NEDD9: variants seen among roughly 807,000 people sequenced by gnomAD.
The protein encoded by NEDD9 is neural precursor cell expressed, developmentally down-regulated 9.
Under a neutral mutation model 76.6 loss-of-function variants are expected in NEDD9, and 26 were observed. The observed-to-expected ratio is 0.34, with a 90% CI of 0.25 to 0.47. NEDD9 has a LOEUF of 0.47. Among genes scored for constraint, NEDD9 ranks in the 20% least tolerant of loss-of-function variants. The pLI, the probability that NEDD9 is intolerant of heterozygous loss-of-function variation, is 1.00. For synonymous variants in NEDD9, 392 were observed against 414.2 expected, an observed-to-expected ratio of 0.95 and a Z score of 0.65; for missense variants, 937 against 1,058.5, an observed-to-expected ratio of 0.89 and a Z score of 1.59.
In NEDD9 at chr6:11,240,796, G is replaced by GT. The variant is rs1387790470; in HGVS notation, c.13-27070dup. On this transcript the variant is annotated intron_variant, in intron 3 of 3. Transcript: ENST00000397378. Reference sequence around the variant, plus strand: ...AAGACTTGGATGAATTAACTTAAAGGTGAAGTGATAAGAAAAATTAGAAAT... The same window carrying GT: ...AAGACTTGGATGAATTAACTTAAAGGTTGAAGTGATAAGAAAAATTAGAAAT... 4.6e-5 allele frequency among the ~76,000 whole-genome samples: 7 copies of GT among 152,294 alleles called. No homozygotes were observed. The South Asian group carries it at 1.2e-3, about 27-fold the overall frequency.
chr6:11,268,730 C>CAA (rs754629340), intron 3 of NEDD9, among the ~76,000 whole-genome samples: 9,847 of 148,406 alleles, frequency 0.066, 391 homozygotes, highest in Middle Eastern at 0.18. Flanking sequence ...CTCCATCACA[C>CAA]ACACACACAC....
intron 2 of NEDD9, among the ~76,000 whole-genome samples, chr6:11,311,845 C>T (rs1045936402): frequency 2.6e-5 from 4 of 152,180 alleles, no homozygotes; most frequent in African/African-American, 4.8e-5. Context: ...CCTCACCAAC[C>T]GGGCTCTTCC....
intron 3 of NEDD9, among the ~76,000 whole-genome samples, chr6:11,290,084 T>G (rs977625688): frequency 6.6e-6 from 1 of 152,190 alleles, no homozygotes; most frequent in Non-Finnish European, 1.5e-5. Flanking sequence ...AGGAGTTCTT[T>G]CCACTCGTAT....
chr6:11,321,489 T>C (rs1761802521), intron 2 of NEDD9, among the ~76,000 whole-genome samples: 2 of 152,212 alleles, frequency 1.3e-5, no homozygotes, highest in Non-Finnish European at 2.9e-5. Flanking sequence ...GAGCTTTGTT[T>C]CGTGTTTATC....
intron 3 of NEDD9, among the ~76,000 whole-genome samples, chr6:11,267,562 A>G (rs1390790932): frequency 6.6e-6 from 1 of 152,214 alleles, no homozygotes; most frequent in African/African-American, 2.4e-5. Context: ...GCTGTTGGAG[A>G]CATTGGTTTT....
chr6:11,263,453 T>C (rs775320120), intron 3 of NEDD9, among the ~76,000 whole-genome samples: 8 of 152,184 alleles, frequency 5.3e-5, no homozygotes, highest in Non-Finnish European at 1.0e-4. Flanking sequence ...GATTAGAAAG[T>C]AGTGGAAAAA....
At chr6:11,196,411 A>C (rs1461786397) in intron 2 of NEDD9, among the ~76,000 whole-genome samples, 3 of 152,220 alleles carry the variant, frequency 2.0e-5, no homozygotes, top group Non-Finnish European at 4.4e-5. Context: ...ATAAACACAT[A>C]GCACGACCTC....
chr6:11,270,098 C>T (rs1760272775), intron 3 of NEDD9, among the ~76,000 whole-genome samples: 1 of 152,208 alleles, frequency 6.6e-6, no homozygotes, highest in South Asian at 2.1e-4. Context: ...CACTGCACTC[C>T]AGTCTGGGCA....
At chr6:11,361,775 G>A (rs1358086072) in intron 1 of NEDD9, among the ~76,000 whole-genome samples, 2 of 152,076 alleles carry the variant, frequency 1.3e-5, no homozygotes, top group South Asian at 2.1e-4. Flanking sequence ...ATCTAATTGC[G>A]ACCCTAAAGA....
chr6:11,343,952 C>T (rs79074956), intron 1 of NEDD9, among the ~76,000 whole-genome samples: 39 of 152,166 alleles, frequency 2.6e-4, no homozygotes, highest in African/African-American at 9.4e-4. Context: ...ATAAAGGTAA[C>T]CAGATATCTG....
At chr6:11,379,210 T>A (rs1251171647) in intron 1 of NEDD9, among the ~76,000 whole-genome samples, 1 of 152,214 alleles carries the variant, frequency 6.6e-6, no homozygotes, top group East Asian at 1.9e-4. Flanking sequence ...TTTCCTAGTC[T>A]TCTCTTAATC....
At chr6:11,232,347 G>C (rs1052058271) in intron 1 of NEDD9, among the ~76,000 whole-genome samples, 157 bp downstream of exon 1, 6 of 146,010 alleles carry the variant, frequency 4.1e-5, no homozygotes, top group African/African-American at 1.5e-4. Context: ...GTCTCTGCTT[G>C]CTTGTCTGCT....
rs971824770 is a variant in NEDD9 at position 11,370,697 on chromosome 6, G to A, written c.-214+11442C>T. Among the ~76,000 whole-genome samples the A allele has an allele frequency of 2.6e-5, 4 of 152,152 alleles. No homozygotes were observed. The highest frequency in any genetic ancestry group is 5.9e-5 in the Non-Finnish European group (4 of 68,020). On this transcript the variant is annotated intron_variant, in intron 1 of 3. Coordinates refer to the NEDD9 transcript ENST00000397378. This position sits in a 1 kb window ranked among gnomAD's most constrained non-coding sequence, Gnocchi z 4.2. ...CGCTCACTGGATGATCCACTCACTG[G>A]CTCACTCACTCGTTCCTTCAGCAGA...
At chr6:11,235,414 T>C (rs1759577905), upstream of NEDD9, among the ~76,000 whole-genome samples, 2 of 152,198 alleles carry the variant, frequency 1.3e-5, no homozygotes, top group African/African-American at 2.4e-5. This position sits in a 1 kb window ranked among gnomAD's most constrained non-coding sequence, Gnocchi z 4.1. Context: ...GCACCTAGCA[T>C]GTGCCAGGTA....
intron 3 of NEDD9, chr6:11,305,162 G>A (rs1206043593): frequency 7.8e-7 from 1 of 1,287,242 alleles, no homozygotes; most frequent in Non-Finnish European, 1.0e-6. Flanking sequence ...TTGATTCTCT[G>A]AGATACAGAA....
intron 4 of NEDD9, among the ~76,000 whole-genome samples, chr6:11,191,753 T>G (rs1234703220): frequency 6.6e-6 from 1 of 152,180 alleles, no homozygotes; most frequent in Non-Finnish European, 1.5e-5. Flanking sequence ...CAGCCTGTAA[T>G]CTCAGCACTT....
chr6:11,360,752 T>A (rs991782363), intron 1 of NEDD9, among the ~76,000 whole-genome samples: 46 of 152,338 alleles, frequency 3.0e-4, no homozygotes, highest in African/African-American at 1.1e-3. Flanking sequence ...ACCTCTTTTC[T>A]TTATAAATTA....
chr6:11,197,769 G>A (rs1758326608), intron 2 of NEDD9, among the ~76,000 whole-genome samples: 2 of 152,178 alleles, frequency 1.3e-5, no homozygotes, highest in Non-Finnish European at 2.9e-5. Flanking sequence ...ACTGTTTTGA[G>A]TCTCAGATCC....
chr6:11,363,810 ATT>A (rs5874317), intron 1 of NEDD9, among the ~76,000 whole-genome samples: 2 of 151,794 alleles, frequency 1.3e-5, no homozygotes, highest in Non-Finnish European at 2.9e-5. Flanking sequence ...AAACCTGAGT[ATT>A]TTTTTTTCTG....
Sources: allele counts gnomAD v4.1 joint callset (sites outside exome capture counted in the v4.1 genomes callset), GRCh38; gene constraint gnomAD v4.1.1; non-coding constraint Gnocchi (gnomAD v3.1); transcripts MANE v1.5; gene names NCBI Gene and HGNC (gene_info 2026-07-23, HGNC 2026-07-21).